CACNA1H: variants seen among roughly 807,000 people sequenced by gnomAD.
CACNA1H encodes the protein calcium voltage-gated channel subunit alpha1 H, also known as voltage-dependent T-type calcium channel subunit alpha-1H.
CACNA1H carries 149 observed loss-of-function variants against 192.5 expected under a neutral mutation model. The ratio of observed to expected loss-of-function variants is 0.77; its 90% CI spans 0.68 to 0.89. CACNA1H has a LOEUF of 0.89. Ranked by LOEUF, CACNA1H falls within the 40% of genes least tolerant of loss-of-function variation. The probability of loss-of-function intolerance (pLI) is 0.00; values close to 1 mark genes in which losing one functional copy is unlikely to be tolerated. For missense variants in CACNA1H, 4,257 were observed against 3,423.5 expected (o/e 1.24, Z -6.08); for synonymous variants, 2,202 against 1,475.2 (o/e 1.49, Z -11.29).
chr16:1,201,819 T>C lies in CACNA1H; in HGVS notation c.1369T>C (p.Tyr457His), dbSNP rs773528488. 1.3e-6 allele frequency: 2 copies of C among 1,582,556 alleles called. No homozygotes were observed. Among genetic ancestry groups the C allele is most frequent in the South Asian group, 2.3e-5 (2 of 86,786 alleles). ...LASFSEPGSC[Y>H]EELLKYVGHI... ...CAGCTTCTCCGAGCCTGGCAGCTGC[T>C]ACGAAGAGCTGCTGAAGTACGTGGG... The change falls in exon 9 of 35, where the codon TAC (tyrosine) becomes CAC (histidine). Residue 457 changes from tyrosine (Y) to histidine (H), a missense_variant. Physicochemically the swap from Tyr to His is moderately conservative, Grantham distance 83. Transcript: ENST00000348261.
At chr16:1,200,199 C>G (rs903063639) in intron 6 of CACNA1H, 57 bp from the exon 7 acceptor site, 76 of 1,432,518 alleles carry the variant, frequency 5.3e-5, no homozygotes, top group Admixed American at 1.6e-4. Flanking sequence ...GTGCCCCCGA[C>G]TCTGACCGTC....
At position 1,220,558 on chromosome 16, in the gene CACNA1H, C is replaced by G; in HGVS notation, c.6626C>G (p.Ala2209Gly). 1 of 1,531,366 alleles carries G rather than the reference C, an allele frequency of 6.5e-7. No individual in the cohort carries two copies. The highest frequency in any genetic ancestry group is 8.7e-7 in the Non-Finnish European group (1 of 1,145,752). 94.9% of individuals were successfully genotyped at this position (1,531,366 alleles called of 1,614,324 possible). Residue 2209 changes from alanine to glycine, a missense_variant, in exon 35 of 35, where the codon GCA becomes GGA. Transcript: ENST00000348261. ...GAGGGCTCTGCGCGGCCCTCCGCGGCAGAGGGCGGCAGCACCACACTGAGG... is the reference window on the plus strand; with the variant it reads ...GAGGGCTCTGCGCGGCCCTCCGCGGGAGAGGGCGGCAGCACCACACTGAGG... The part of the protein sequence containing the change: ...EDEGSARPSA[A>G]EGGSTTLRRR...
chr16:1,201,892 G>T lies in CACNA1H; in HGVS notation c.1442G>T (p.Arg481Leu), dbSNP rs776990820. ...VKRRSLRLYA[R>L]WQSRWRKKVD... Reference sequence around the variant, plus strand: ...CGGCGCAGCTTGCGCCTCTACGCCCGCTGGCAGAGCCGCTGGCGCAAGAAG... The same window carrying T: ...CGGCGCAGCTTGCGCCTCTACGCCCTCTGGCAGAGCCGCTGGCGCAAGAAG... Residue 481 changes from arginine to leucine, a missense_variant, in exon 9 of 35, where the codon CGC (arginine) becomes CTC (leucine). Physicochemically the swap from Arg to Leu is moderately radical, Grantham distance 102. Transcript: ENST00000348261. The T allele has an allele frequency of 1.3e-6, 2 of 1,551,386 alleles. No individual in the cohort carries two copies. The highest frequency in any genetic ancestry group is 1.4e-5 in the African/African-American group (1 of 73,228).
chr16:1,184,822 C>A (rs367550309), intron 2 of CACNA1H, among the ~76,000 whole-genome samples: 97 of 152,216 alleles, frequency 6.4e-4, no homozygotes, highest in African/African-American at 2.3e-3. Flanking sequence ...AGGGAAGCTG[C>A]CATTTAAAGG....
intron 2 of CACNA1H, among the ~76,000 whole-genome samples, chr16:1,166,026 A>C (rs1285732038): frequency 6.6e-6 from 1 of 151,990 alleles, no homozygotes; most frequent in Non-Finnish European, 1.5e-5. Context: ...TCCTGTTGGC[A>C]CCGTAGGGGG....
At position 1,187,298 on chromosome 16, in the gene CACNA1H, G is replaced by A. The variant is rs994223604; in HGVS notation, c.300-7674G>A. On this transcript the variant is annotated intron_variant, in intron 2 of 34. Coordinates refer to ENST00000348261, the MANE Select transcript of CACNA1H (RefSeq NM_021098.3). ...TGGCACCCTCTACCCAGGGCAGGGA[G>A]GGGTTTGCCCAGCCAGGGGTGGGTA... Among the ~76,000 whole-genome samples the A allele has an allele frequency of 2.0e-5, 3 of 152,252 alleles. No homozygotes were observed. The East Asian group carries it at 5.8e-4, about 29-fold the overall frequency.
At position 1,211,843 on chromosome 16, in the gene CACNA1H, C is replaced by G. The variant is rs774105687; in HGVS notation, c.4566+38C>G. 3 of 1,609,950 alleles carry G rather than the reference C, an allele frequency of 1.9e-6. No individual in the cohort carries two copies. The South Asian group carries it at 3.3e-5, about 18-fold the overall frequency. On this transcript the variant is annotated intron_variant, in intron 24 of 34. Transcript: ENST00000348261. ...GGGTCGAGCTGGGTCACCTCAGGGT[C>G]TCCCGCGAGCGGCTGCCTTGGCCTC...
chr16:1,153,559 T>G (rs1328129213), intron 1 of CACNA1H, 89 bp downstream of exon 1: 2 of 205,666 alleles, frequency 9.7e-6, no homozygotes, highest in African/African-American at 1.5e-4. Context: ...GTGGGGCCGC[T>G]GGAGGGAGGG....
chr16:1,215,461 A>AG (rs1370656734), intron 29 of CACNA1H, 62 bp from the exon 30 acceptor site: 4 of 1,585,654 alleles, frequency 2.5e-6, no homozygotes, highest in Non-Finnish European at 3.4e-6. Flanking sequence ...CGGGGCGGCC[A>AG]GGGTCCCCGC....
rs139754152 is a variant in CACNA1H at position 1,216,059 on chromosome 16, T to C, written c.5244+466T>C. Among the ~76,000 whole-genome samples the C allele has an allele frequency of 5.2e-3, 787 of 152,258 alleles. 4 individuals carry two copies. Among genetic ancestry groups the C allele is most frequent in the African/African-American group, 0.018 (732 of 41,536 alleles). On this transcript the variant is annotated intron_variant, in intron 30 of 34. Transcript: ENST00000348261. ...TCCAAGGCCAAGAGACCCAACACGTTGTCCCGTCCGTAGCCTCTAGTCCAC... is the reference window on the plus strand; with the variant it reads ...TCCAAGGCCAAGAGACCCAACACGTCGTCCCGTCCGTAGCCTCTAGTCCAC...
intron 2 of CACNA1H, among the ~76,000 whole-genome samples, chr16:1,189,986 A>G (rs1966456600): frequency 6.6e-6 from 1 of 152,218 alleles, no homozygotes; most frequent in Non-Finnish European, 1.5e-5. Flanking sequence ...GGTCTGTCAG[A>G]AAAGAGGAGA....
chr16:1,166,611 AGCTGTCTCG>A (rs986868223), intron 2 of CACNA1H, among the ~76,000 whole-genome samples: 1 of 151,850 alleles, frequency 6.6e-6, no homozygotes, highest in African/African-American at 2.4e-5. Context: ...CCCTGCAGTC[AGCTGTCTCG>A]GCGTCTCCCG....
chr16:1,218,096 C>T (rs543448785), intron 32 of CACNA1H, 56 bp downstream of exon 32: 258 of 1,566,404 alleles, frequency 1.6e-4, no homozygotes, highest in Non-Finnish European at 2.1e-4. Context: ...TTTTCAGGCT[C>T]TCCCAGGAAC....
chr16:1,182,767 C>T lies in CACNA1H; in HGVS notation c.300-12205C>T, dbSNP rs183913981. Among the ~76,000 whole-genome samples, 552 of 152,232 alleles carry T rather than the reference C, an allele frequency of 3.6e-3. 8 individuals carry two copies. Among genetic ancestry groups the T allele is most frequent in the African/African-American group, 0.013 (529 of 41,522 alleles). On this transcript the variant is annotated intron_variant, in intron 2 of 34. Transcript: ENST00000348261. ...GCCAGGAGAGCTCGCAGCCCCCCGA[C>T]GAGGCTGTCAGTCACTGTGGCGGGG...
intron 4 of CACNA1H, 142 bp from the exon 5 acceptor site, chr16:1,195,784 C>CG: frequency 1.2e-6 from 1 of 865,846 alleles, no homozygotes; most frequent in Non-Finnish European, 1.9e-6. Flanking sequence ...CCTGCTACCT[C>CG]GGGGCCCTTC....
At chr16:1,211,068 G>T in intron 21 of CACNA1H, 97 bp downstream of exon 21, 1 of 1,556,824 alleles carries the variant, frequency 6.4e-7, no homozygotes. Context: ...CTGTTCGCAG[G>T]CCGCCCACTC....
chr16:1,216,112 C>T (rs1387952305), intron 30 of CACNA1H, among the ~76,000 whole-genome samples: 1 of 152,164 alleles, frequency 6.6e-6, no homozygotes, highest in African/African-American at 2.4e-5. Context: ...GTCCGTCCAT[C>T]CACCAGCCCA....
At position 1,210,866 on chromosome 16, in the gene CACNA1H, T is replaced by C; in HGVS notation, c.4118T>C (p.Leu1373Pro). ...AACCTGCTGGATGGGCTGCTGGTGC[T>C]GGTGTCCCTGGTGGACATTGTCGTG... ...SWNLLDGLLVLVSLVDIVVAM... is the reference protein window; with the variant it reads ...SWNLLDGLLVPVSLVDIVVAM... The change falls in exon 21 of 35, where the codon CTG becomes CCG. Residue 1373 changes from leucine to proline, a missense_variant. Physicochemically the swap from Leu to Pro is moderately conservative, Grantham distance 98. Transcript: ENST00000348261. The C allele has an allele frequency of 6.2e-7, 1 of 1,605,548 alleles. No homozygotes were observed. Among genetic ancestry groups the C allele is most frequent in the Non-Finnish European group, 8.5e-7 (1 of 1,179,712 alleles).
At chr16:1,182,006 C>G (rs1035778222) in intron 2 of CACNA1H, among the ~76,000 whole-genome samples, 3 of 152,190 alleles carry the variant, frequency 2.0e-5, no homozygotes, top group African/African-American at 7.2e-5. Flanking sequence ...TGCTGCCTGT[C>G]CCTGGCTGCT....
Sources: gnomAD v4.1 joint callset for allele counts (sites outside exome capture counted in the v4.1 genomes callset) on GRCh38, gnomAD v4.1.1 for gene constraint, MANE v1.5 for transcripts, NCBI Gene and HGNC (gene_info 2026-07-23, HGNC 2026-07-21) for gene names.